ADAMTS18: variants seen among roughly 807,000 people sequenced by gnomAD.
ADAMTS18 encodes A disintegrin and metalloproteinase with thrombospondin motifs 18.
ADAMTS18 carries 157 observed loss-of-function variants against 165.9 expected under a neutral mutation model. The ratio of observed to expected loss-of-function variants is 0.95; its 90% CI spans 0.83 to 1.08. The LOEUF (loss-of-function observed/expected upper bound fraction) is 1.08. Among genes scored for constraint, ADAMTS18 ranks in the 50% least tolerant of loss-of-function variants. The pLI, the probability that ADAMTS18 is intolerant of heterozygous loss-of-function variation, is 0.00. For synonymous variants in ADAMTS18, 782 were observed against 578.2 expected (o/e 1.35, Z -5.06); for missense variants, 2,040 against 1,534.0 (o/e 1.33, Z -5.51).
intron 12 of ADAMTS18, among the ~76,000 whole-genome samples, chr16:77,327,240 A>G (rs1460064936): frequency 6.6e-6 from 1 of 152,110 alleles, no homozygotes; most frequent in Non-Finnish European, 1.5e-5. Flanking sequence ...TACATAAAAA[A>G]GTTCTTTAGT....
chr16:77,290,994 C>T, intron 21 of ADAMTS18: 1 of 407,970 alleles, frequency 2.5e-6, no homozygotes. Context: ...CAGTGTATAA[C>T]TGGCCTGGTG....
intron 16 of ADAMTS18, among the ~76,000 whole-genome samples, chr16:77,309,336 T>C (rs2055738453): frequency 6.6e-6 from 1 of 152,158 alleles, no homozygotes; most frequent in Non-Finnish European, 1.5e-5. Flanking sequence ...ACTTGATTGA[T>C]TTAAATAATG....
chr16:77,299,846 G>A (rs2144590155), intron 17 of ADAMTS18, among the ~76,000 whole-genome samples: 1 of 152,282 alleles, frequency 6.6e-6, no homozygotes, highest in East Asian at 1.9e-4. Flanking sequence ...AGTTTGCCAT[G>A]TATGCGTCCT....
chr16:77,419,434 C>G (rs1009754024), intron 3 of ADAMTS18, among the ~76,000 whole-genome samples: 2 of 152,128 alleles, frequency 1.3e-5, no homozygotes, highest in African/African-American at 4.8e-5. Flanking sequence ...TGTGTCATGG[C>G]CTCTTCCATC....
intron 3 of ADAMTS18, among the ~76,000 whole-genome samples, chr16:77,425,429 C>T (rs940997573): frequency 2.0e-5 from 3 of 152,118 alleles, no homozygotes; most frequent in Admixed American, 1.3e-4. Context: ...GCAGAAGATC[C>T]AAGAGAAACA....
intron 8 of ADAMTS18, among the ~76,000 whole-genome samples, chr16:77,356,446 G>A (rs1005201044): frequency 2.6e-5 from 4 of 152,068 alleles, no homozygotes; most frequent in Non-Finnish European, 4.4e-5. Flanking sequence ...CACCAACCAC[G>A]GAACTATGGT....
chr16:77,405,223 G>A (rs527266966), intron 3 of ADAMTS18, among the ~76,000 whole-genome samples: 207 of 152,238 alleles, frequency 1.4e-3, no homozygotes, highest in African/African-American at 4.6e-3. Flanking sequence ...TGTCCAGACA[G>A]GGAGCTCATG....
intron 18 of ADAMTS18, among the ~76,000 whole-genome samples, chr16:77,296,610 G>A (rs970153174): frequency 2.0e-5 from 3 of 152,108 alleles, no homozygotes; most frequent in African/African-American, 7.2e-5. Context: ...AAAACAGGCA[G>A]ATCACTTGAG....
Position 77,359,342 on chromosome 16 carries a change from G to C in ADAMTS18, c.1298C>G (p.Thr433Ser), listed in dbSNP as rs2056676844. 4 of 1,613,972 alleles carry C rather than the reference G, an allele frequency of 2.5e-6. No individual in the cohort carries two copies. Among genetic ancestry groups the C allele is most frequent in the African/African-American group, 1.3e-5 (1 of 74,926 alleles). The change falls in exon 8 of 23, where the codon ACC becomes AGC. Residue 433 changes from threonine (T) to serine (S), a missense_variant. Coordinates refer to ENST00000282849, the MANE Select transcript of ADAMTS18 (RefSeq NM_199355.4). ...NEDTGLGLAF[T>S]IAHESGHNFG... ...CTTGTGCCCTGACTCATGAGCGATG[G>C]TGAAGGCAAGGCCAAGTCCTGTGTC...
At chr16:77,367,321 C>T in intron 4 of ADAMTS18, 120 bp downstream of exon 4, 2 of 1,119,100 alleles carry the variant, frequency 1.8e-6, no homozygotes, top group Non-Finnish European at 2.7e-6. Flanking sequence ...TGGTCCTACA[C>T]CAAGACAGAT....
At chr16:77,366,634 C>T (rs2056798936) in intron 4 of ADAMTS18, among the ~76,000 whole-genome samples, 1 of 152,178 alleles carries the variant, frequency 6.6e-6, no homozygotes, top group Non-Finnish European at 1.5e-5. Flanking sequence ...ATGTCCCAAA[C>T]AACTTGAGTA....
intron 3 of ADAMTS18, among the ~76,000 whole-genome samples, chr16:77,398,539 A>G (rs1275224168): frequency 6.6e-6 from 1 of 152,128 alleles, no homozygotes; most frequent in Non-Finnish European, 1.5e-5. Flanking sequence ...GGAGGCTGTG[A>G]TAACTTTGGT....
intron 17 of ADAMTS18, among the ~76,000 whole-genome samples, chr16:77,298,251 T>G (rs1022469593): frequency 6.6e-6 from 1 of 152,168 alleles, no homozygotes; most frequent in Non-Finnish European, 1.5e-5. Flanking sequence ...CCCACTGCCT[T>G]GCTTTCAACA....
chr16:77,396,218 C>G (rs1001358325), intron 3 of ADAMTS18, among the ~76,000 whole-genome samples: 1 of 152,188 alleles, frequency 6.6e-6, no homozygotes, highest in Non-Finnish European at 1.5e-5. Flanking sequence ...TTTTTAATCT[C>G]TAGACATTCC....
intron 3 of ADAMTS18, among the ~76,000 whole-genome samples, chr16:77,384,761 T>C (rs560872359): frequency 1.3e-5 from 2 of 152,172 alleles, no homozygotes; most frequent in Non-Finnish European, 2.9e-5. Context: ...GAAACGTATA[T>C]AGTAAGCTAC....
chr16:77,359,149 C>G (rs2056673763), intron 8 of ADAMTS18, among the ~76,000 whole-genome samples, 169 bp downstream of exon 8: 1 of 152,168 alleles, frequency 6.6e-6, no homozygotes, highest in Non-Finnish European at 1.5e-5. Context: ...AGAATGAAAT[C>G]AACAACAGCT....
chr16:77,335,715 G>A (rs1456047078), intron 12 of ADAMTS18, 41 bp downstream of exon 12: 1 of 1,613,570 alleles, frequency 6.2e-7, no homozygotes, highest in African/African-American at 1.3e-5. Context: ...CAGGCTGAAG[G>A]TTAAGGCCTT....
intron 12 of ADAMTS18, among the ~76,000 whole-genome samples, chr16:77,332,239 A>C (rs2056201060): frequency 6.6e-6 from 1 of 152,144 alleles, no homozygotes; most frequent in Admixed American, 6.6e-5. Flanking sequence ...TTATGTTGTA[A>C]ATTAAATCTG....
intron 21 of ADAMTS18, 142 bp from the exon 22 acceptor site, chr16:77,289,553 C>G (rs941168284): frequency 1.0e-5 from 9 of 893,128 alleles, no homozygotes; most frequent in African/African-American, 3.3e-5. Context: ...CATGTGCTTA[C>G]AGTCCACAGC....
Sources: gnomAD v4.1 joint callset for allele counts (sites outside exome capture counted in the v4.1 genomes callset) on GRCh38, gnomAD v4.1.1 for gene constraint, MANE v1.5 for transcripts, NCBI Gene and HGNC (gene_info 2026-07-23, HGNC 2026-07-21) for gene names.